Variants in DOK5 observed in about 807,000 individuals in gnomAD.
DOK5 encodes docking protein 5.
DOK5 carries 27 observed loss-of-function variants against 43.3 expected under a neutral mutation model. The observed-to-expected ratio is 0.62, with a 90% CI of 0.46 to 0.86. The LOEUF is 0.86. Among genes scored for constraint, DOK5 ranks in the 40% least tolerant of loss-of-function variants. The pLI is 0.00. For synonymous variants in DOK5, 146 were observed against 140.1 expected (o/e 1.04, Z -0.30); for missense variants, 373 against 392.9 (o/e 0.95, Z 0.43).
chr20:54,618,506 G>T (rs954979848), intron 6 of DOK5, among the ~76,000 whole-genome samples: 26 of 152,054 alleles, frequency 1.7e-4, no homozygotes, highest in African/African-American at 6.0e-4. Flanking sequence ...AGCACGCCTG[G>T]CTAATTTTTT....
intron 6 of DOK5, among the ~76,000 whole-genome samples, chr20:54,627,261 C>A (rs1663117364): frequency 1.3e-5 from 2 of 152,124 alleles, no homozygotes; most frequent in African/African-American, 2.4e-5. Flanking sequence ...AGATTGTTAA[C>A]CTTATTGAAT....
intron 1 of DOK5, among the ~76,000 whole-genome samples, chr20:54,551,654 A>T (rs1352832367): frequency 1.3e-5 from 2 of 152,122 alleles, no homozygotes; most frequent in Non-Finnish European, 2.9e-5. Context: ...CTGTACACTG[A>T]AAAGTTTGCT....
intron 1 of DOK5, among the ~76,000 whole-genome samples, chr20:54,512,421 C>T (rs1568761314): frequency 6.6e-6 from 1 of 152,146 alleles, no homozygotes; most frequent in Non-Finnish European, 1.5e-5. Flanking sequence ...TGGACAGTTA[C>T]AATTTGTTAA....
intron 7 of DOK5, among the ~76,000 whole-genome samples, chr20:54,644,471 G>A (rs950960230): frequency 6.6e-6 from 1 of 151,846 alleles, no homozygotes; most frequent in Admixed American, 6.6e-5. Context: ...TTGGGAGGCC[G>A]AGGCGGGCGG....
intron 5 of DOK5, among the ~76,000 whole-genome samples, chr20:54,599,253 A>C (rs1036817492): frequency 1.1e-4 from 17 of 152,248 alleles, no homozygotes; most frequent in African/African-American, 4.1e-4. Flanking sequence ...AAGTTTGCTC[A>C]GGAGAAGTAA....
intron 1 of DOK5, among the ~76,000 whole-genome samples, chr20:54,525,069 A>G (rs1983534149): frequency 6.6e-6 from 1 of 152,194 alleles, no homozygotes; most frequent in South Asian, 2.1e-4. Context: ...AAATAATCCA[A>G]GTGGCATTGC....
At chr20:54,504,218 G>A (rs1218047000) in intron 1 of DOK5, among the ~76,000 whole-genome samples, 1 of 152,062 alleles carries the variant, frequency 6.6e-6, no homozygotes, top group Non-Finnish European at 1.5e-5. Flanking sequence ...CTACAATAAG[G>A]CTACCTTTGT....
At chr20:54,531,245 T>C (rs1055626255) in intron 1 of DOK5, among the ~76,000 whole-genome samples, 1 of 152,220 alleles carries the variant, frequency 6.6e-6, no homozygotes, top group Non-Finnish European at 1.5e-5. Context: ...GAAAAGCCTT[T>C]CACTGGAGCT....
At chr20:54,595,019 T>A (rs572481340) in intron 5 of DOK5, among the ~76,000 whole-genome samples, 56 of 145,716 alleles carry the variant, frequency 3.8e-4, no homozygotes, top group Admixed American at 8.0e-4. Context: ...GTATATGGGG[T>A]GTGTGTGTAT....
rs542244133 is a variant in DOK5, at chr20:54,557,243, A to T, written c.174+2203A>T. ...GGTCCCCAACCTTTTTGGCACCGGGACAGGTATCAGGGAAGACAATTTTTC... is the reference window on the plus strand; with the variant it reads ...GGTCCCCAACCTTTTTGGCACCGGGTCAGGTATCAGGGAAGACAATTTTTC... On this transcript the variant is annotated intron_variant, in intron 2 of 7. Transcript: ENST00000262593. 2.6e-5 allele frequency among the ~76,000 whole-genome samples: 4 copies of T among 152,296 alleles called. No individual in the cohort carries two copies. The East Asian group carries it at 7.7e-4, about 29-fold the overall frequency.
At chr20:54,568,789 G>A (rs1343365667) in intron 2 of DOK5, among the ~76,000 whole-genome samples, 1 of 151,942 alleles carries the variant, frequency 6.6e-6, no homozygotes, top group Non-Finnish European at 1.5e-5. Context: ...AATTAGCCGG[G>A]TGTGGTGGCG....
intron 6 of DOK5, among the ~76,000 whole-genome samples, chr20:54,620,889 C>CA (rs1986955571): frequency 6.6e-6 from 1 of 151,856 alleles, no homozygotes; most frequent in Non-Finnish European, 1.5e-5. Flanking sequence ...CCCATTCTTG[C>CA]GGAGCTTATT....
intron 6 of DOK5, 41 bp downstream of exon 6, chr20:54,610,564 C>T (rs1171420509): frequency 7.2e-7 from 1 of 1,385,928 alleles, no homozygotes; most frequent in African/African-American, 1.5e-5. Context: ...GTGCCTATCA[C>T]TGCAGAAAGC....
intron 6 of DOK5, among the ~76,000 whole-genome samples, chr20:54,616,981 G>A (rs28663252): frequency 0.13 from 19,836 of 151,770 alleles, 1,983 homozygotes; most frequent in African/African-American, 0.28. Context: ...TAGTGGAGAC[G>A]GGGTTTCACC....
chr20:54,614,622 T>C (rs1425132633), intron 6 of DOK5, among the ~76,000 whole-genome samples: 1 of 152,218 alleles, frequency 6.6e-6, no homozygotes, highest in East Asian at 1.9e-4. Flanking sequence ...GGAATATGAG[T>C]AAATCGTTTG....
At chr20:54,525,847 T>C (rs187965426) in intron 1 of DOK5, among the ~76,000 whole-genome samples, 1 of 152,360 alleles carries the variant, frequency 6.6e-6, no homozygotes, top group East Asian at 1.9e-4. Context: ...TTAGAAGTTG[T>C]ATTCAGGCCT....
intron 6 of DOK5, among the ~76,000 whole-genome samples, chr20:54,631,241 C>T (rs1978552518): frequency 6.6e-6 from 1 of 152,072 alleles, no homozygotes; most frequent in South Asian, 2.1e-4. Context: ...GGCAAAACTC[C>T]ATCTCTACAA....
At chr20:54,554,323 C>G (rs1166420694) in intron 1 of DOK5, among the ~76,000 whole-genome samples, 2 of 152,188 alleles carry the variant, frequency 1.3e-5, no homozygotes, top group Non-Finnish European at 2.9e-5. Context: ...TTCAACATGG[C>G]CAACAACTTC....
chr20:54,629,423 C>T (rs959593102), intron 6 of DOK5, among the ~76,000 whole-genome samples: 2 of 152,224 alleles, frequency 1.3e-5, no homozygotes, highest in African/African-American at 2.4e-5. Context: ...TGCAAAAGAA[C>T]ATACTCTATA....
Sources: gnomAD v4.1 joint callset for allele counts (sites outside exome capture counted in the v4.1 genomes callset) on GRCh38, gnomAD v4.1.1 for gene constraint, MANE v1.5 for transcripts, NCBI Gene and HGNC (gene_info 2026-07-23, HGNC 2026-07-21) for gene names.